CAST: variants seen among roughly 807,000 people sequenced by gnomAD.
CAST encodes the protein MIR583 host.
In CAST, 76 loss-of-function variants were observed where a neutral mutation model predicts 119.6. The observed-to-expected ratio is 0.64, with a 90% confidence interval of 0.53 to 0.77. CAST has a LOEUF of 0.77. CAST is among the 30% of genes least tolerant of loss of function. CAST has a pLI of 0.00. For synonymous variants in CAST, 319 were observed against 331.6 expected, an observed-to-expected ratio of 0.96 and a Z score of 0.41; for missense variants, 953 against 946.5, an observed-to-expected ratio of 1.01 and a Z score of -0.09.
At chr5:96,033,949 G>A in the CAST span, among the ~76,000 whole-genome samples, 34 of 151,962 alleles carry the variant, frequency 2.2e-4, no homozygotes, top group South Asian at 1.9e-3. Context: ...TCAAACAACC[G>A]AATAACAAGA....
chr5:96,065,401 CTGTGTGTGTGTGTG>C, the CAST span, among the ~76,000 whole-genome samples: 1 of 149,172 alleles, frequency 6.7e-6, no homozygotes, highest in African/African-American at 2.5e-5. Flanking sequence ...GGTTAATGAT[CTGTGTGTGTGTGTG>C]TGTGTGTGTG....
chr5:96,739,990 T>C (rs1442102607), intron 11 of CAST, 48 bp from the exon 12 acceptor site: 1 of 856,582 alleles, frequency 1.2e-6, no homozygotes, highest in African/African-American at 1.7e-5. Flanking sequence ...TATAGCATTG[T>C]CAGGTAATTA....
chr5:96,041,431 C>G, the CAST span, among the ~76,000 whole-genome samples: 2 of 152,032 alleles, frequency 1.3e-5, no homozygotes, highest in Non-Finnish European at 2.9e-5. Context: ...ATCTGAGAAC[C>G]TGTCATAGCC....
At chr5:96,509,350 C>T in the CAST span, among the ~76,000 whole-genome samples, 1 of 152,102 alleles carries the variant, frequency 6.6e-6, no homozygotes, top group Admixed American at 6.5e-5. Context: ...GGTTCAAATC[C>T]AATTTTAAAT....
At chr5:96,563,149 C>T (rs1027380478) in intron 1 of CAST, among the ~76,000 whole-genome samples, 6 of 152,166 alleles carry the variant, frequency 3.9e-5, no homozygotes, top group Admixed American at 3.9e-4. Flanking sequence ...TTAGATCATA[C>T]TCTTTTTGCC....
At chr5:96,078,870 G>A in the CAST span, among the ~76,000 whole-genome samples, 1 of 152,224 alleles carries the variant, frequency 6.6e-6, no homozygotes, top group Non-Finnish European at 1.5e-5. Context: ...TCACTTATAA[G>A]TGGGAGCTGA....
chr5:96,560,469 C>A (rs1456136970), intron 1 of CAST, among the ~76,000 whole-genome samples: 1 of 152,044 alleles, frequency 6.6e-6, no homozygotes, highest in Non-Finnish European at 1.5e-5. Context: ...TGACAAAGGG[C>A]TAATATCCAG....
At chr5:96,583,752 G>A (rs904418548) in intron 1 of CAST, among the ~76,000 whole-genome samples, 8 of 152,184 alleles carry the variant, frequency 5.3e-5, no homozygotes, top group South Asian at 2.1e-4. Flanking sequence ...AGGAGATACC[G>A]TGTGCATCTA....
At chr5:95,972,377 A>G in the CAST span, among the ~76,000 whole-genome samples, 1 of 151,918 alleles carries the variant, frequency 6.6e-6, no homozygotes, top group Non-Finnish European at 1.5e-5. Context: ...TTTTCTGTGT[A>G]CTTGTCAGCA....
Position 96,539,371 on chromosome 5 carries a change from T to C in CAST, c.60+9491T>C, listed in dbSNP as rs1441074326. On this transcript the variant is annotated intron_variant, in intron 1 of 11. Transcript: ENST00000505143. ...GCATGTCTTCTTAGTTAATTGACATTTTATTATTTTGTGAAGTGACAGTTT... is the reference window on the plus strand; with the variant it reads ...GCATGTCTTCTTAGTTAATTGACATCTTATTATTTTGTGAAGTGACAGTTT... 2.0e-5 allele frequency among the ~76,000 whole-genome samples: 3 copies of C among 152,222 alleles called. No individual in the cohort carries two copies. The East Asian group carries it at 5.8e-4, about 29-fold the overall frequency.
chr5:96,409,978 A>T, the CAST span, among the ~76,000 whole-genome samples: 1 of 152,188 alleles, frequency 6.6e-6, no homozygotes, highest in East Asian at 1.9e-4. Flanking sequence ...GGGTTCACCC[A>T]CCCTCTAATT....
chr5:96,731,169 A>C (rs1187648308), intron 9 of CAST, among the ~76,000 whole-genome samples: 2 of 152,246 alleles, frequency 1.3e-5, no homozygotes, highest in African/African-American at 4.8e-5. Flanking sequence ...GAAATAAAGC[A>C]AATACAATTT....
the CAST span, among the ~76,000 whole-genome samples, chr5:96,113,927 A>G: frequency 6.6e-6 from 1 of 152,240 alleles, no homozygotes; most frequent in Non-Finnish European, 1.5e-5. Flanking sequence ...ATTATATCAC[A>G]AAAGAAAGTT....
the CAST span, among the ~76,000 whole-genome samples, chr5:96,288,463 C>A: frequency 6.6e-6 from 1 of 151,986 alleles, no homozygotes; most frequent in African/African-American, 2.4e-5. Flanking sequence ...TTGCAATAAG[C>A]CATTTCAGAA....
chr5:96,534,714 G>GGAAGGAAGGAAGGAAGGAAGGAGA lies in CAST; in HGVS notation c.60+4836_60+4837insAGGAAGGAAGGAAGGAAGGAGAGA, dbSNP rs1554066221. ...AGGAAGGAAGGAAGGAAGGAAGGAAGGAGAGAGAGAGAGAGAGAGAGAGAG... is the reference window on the plus strand; with the variant it reads ...AGGAAGGAAGGAAGGAAGGAAGGAAGGAAGGAAGGAAGGAAGGAAGGAGAGAGAGAGAGAGAGAGAGAGAGAGAG... On this transcript the variant is annotated intron_variant, in intron 1 of 11. Coordinates refer to the CAST transcript ENST00000505143. Among the ~76,000 whole-genome samples, 9 of 13,966 alleles carry GGAAGGAAGGAAGGAAGGAAGGAGA rather than the reference G, an allele frequency of 6.4e-4. 1 individual carries two copies. Among genetic ancestry groups the GGAAGGAAGGAAGGAAGGAAGGAGA allele is most frequent in the Non-Finnish European group, 1.0e-3 (6 of 5,962 alleles). The allele number at this position is 13,966 out of a possible 152,430, so 9.2% of individuals were successfully genotyped here. A position where few individuals can be genotyped will look rare whatever the true frequency, so the allele number is the denominator to read the frequency against.
chr5:96,174,396 C>G, the CAST span, among the ~76,000 whole-genome samples: 2 of 152,198 alleles, frequency 1.3e-5, no homozygotes, highest in African/African-American at 4.8e-5. Flanking sequence ...TAGCTGTGAA[C>G]AAGGTCCTGC....
the CAST span, among the ~76,000 whole-genome samples, chr5:96,042,526 T>C: frequency 2.6e-5 from 4 of 152,300 alleles, no homozygotes; most frequent in Admixed American, 2.0e-4. Flanking sequence ...AATGGTTACA[T>C]AGCAAATGGA....
chr5:96,467,772 T>C, the CAST span, among the ~76,000 whole-genome samples: 23 of 151,706 alleles, frequency 1.5e-4, no homozygotes, highest in East Asian at 3.5e-3. Flanking sequence ...GGAACACAAA[T>C]GCACTGCTAG....
chr5:96,282,094 T>C, the CAST span, among the ~76,000 whole-genome samples: 1 of 139,476 alleles, frequency 7.2e-6, no homozygotes, highest in African/African-American at 2.8e-5. Flanking sequence ...GTGGTGGTGA[T>C]GAGGGTAGAG....
Sources: allele counts gnomAD v4.1 joint callset (sites outside exome capture counted in the v4.1 genomes callset), GRCh38; gene constraint gnomAD v4.1.1; transcripts MANE v1.5; gene names NCBI Gene and HGNC (gene_info 2026-07-23, HGNC 2026-07-21).